RNF6: variants seen among roughly 807,000 people sequenced by gnomAD.
The protein encoded by RNF6 is E3 ubiquitin-protein ligase RNF6.
Under a neutral mutation model 50.1 loss-of-function variants are expected in RNF6, and 21 were observed. That is an observed-to-expected ratio of 0.42 (90% CI 0.30 to 0.60). The LOEUF (loss-of-function observed/expected upper bound fraction) is 0.60. Among genes scored for constraint, RNF6 ranks in the 20% least tolerant of loss-of-function variants. RNF6 has a pLI of 0.20. For missense variants in RNF6, 698 were observed against 838.2 expected (o/e 0.83, Z 2.07); for synonymous variants, 255 against 291.8 (o/e 0.87, Z 1.29).
intron 5 of RNF6, chr13:26,151,045 T>C (rs1304522470): frequency 6.6e-6 from 1 of 152,142 alleles, no homozygotes; most frequent in Non-Finnish European, 1.5e-5. Flanking sequence ...ACATGTTAAA[T>C]AAAAAGGGGA....
intron 5 of RNF6, among the ~76,000 whole-genome samples, chr13:26,192,939 T>A (rs1354791305): frequency 6.6e-6 from 1 of 152,218 alleles, no homozygotes; most frequent in Non-Finnish European, 1.5e-5. Flanking sequence ...TGTAAGCTGC[T>A]AAGTTTGCAG....
intron 5 of RNF6, among the ~76,000 whole-genome samples, chr13:26,181,678 A>G (rs1315807122): frequency 6.6e-6 from 1 of 152,216 alleles, no homozygotes; most frequent in Non-Finnish European, 1.5e-5. Context: ...GGAGGTCAAG[A>G]CCAAGGGGAT....
At chr13:26,157,739 A>G (rs1439703006) in intron 5 of RNF6, among the ~76,000 whole-genome samples, 1 of 152,232 alleles carries the variant, frequency 6.6e-6, no homozygotes, top group Non-Finnish European at 1.5e-5. Flanking sequence ...GTGAATCCTC[A>G]AGCTGACAGC....
rs752050943 is a variant in RNF6, at chr13:26,214,078, G to A, written c.1804C>T (p.Arg602Ter). 2.0e-5 allele frequency: 32 copies of A among 1,613,962 alleles called. No individual in the cohort carries two copies. Among genetic ancestry groups the A allele is most frequent in the Non-Finnish European group, 2.5e-5 (30 of 1,180,032 alleles). The change falls in exon 5 of 5, where the codon CGA becomes TGA. Residue 602 changes from arginine to a stop codon, truncating the protein, a stop_gained. Coordinates refer to ENST00000381588, the MANE Select transcript of RNF6 (RefSeq NM_005977.4). LOFTEE classifies it high-confidence loss of function. ...FLLNESDDDD[R>*]IRGLTKEQID... ...TGCTCTTTGGTTAAACCACGTATTC[G>A]ATCATCATCATCACTTTCATTTAGT...
At chr13:26,219,338 A>G (rs1463414160) in intron 3 of RNF6, 119 bp downstream of exon 3, 2 of 860,790 alleles carry the variant, frequency 2.3e-6, no homozygotes, top group Admixed American at 3.1e-5. Context: ...ACTCACAAAA[A>G]CAATATACTA....
At chr13:26,204,659 T>C (rs1869035995) in intron 5 of RNF6, among the ~76,000 whole-genome samples, 1 of 152,166 alleles carries the variant, frequency 6.6e-6, no homozygotes, top group Non-Finnish European at 1.5e-5. Context: ...GTCCATCTTC[T>C]CCTAGGCCTG....
intron 5 of RNF6, among the ~76,000 whole-genome samples, chr13:26,166,282 T>A (rs1872448066): frequency 1.3e-5 from 2 of 152,204 alleles, no homozygotes; most frequent in Non-Finnish European, 2.9e-5. Context: ...CTTTTTCTTT[T>A]GTAAATTGCT....
intron 5 of RNF6, among the ~76,000 whole-genome samples, chr13:26,143,760 A>T (rs1871082962): frequency 6.6e-6 from 1 of 152,190 alleles, no homozygotes; most frequent in African/African-American, 2.4e-5. Context: ...AATTCTATCA[A>T]GCCAGGTCCT....
At chr13:26,180,993 T>C (rs1007540066) in intron 5 of RNF6, among the ~76,000 whole-genome samples, 5 of 152,194 alleles carry the variant, frequency 3.3e-5, no homozygotes, top group Non-Finnish European at 7.3e-5. Context: ...GCTGTCCAGG[T>C]ATTGTAACCC....
intron 5 of RNF6, among the ~76,000 whole-genome samples, chr13:26,150,498 T>C (rs950603110): frequency 6.6e-6 from 1 of 152,266 alleles, no homozygotes; most frequent in South Asian, 2.1e-4. Context: ...GAAATGAAGA[T>C]GCAGCACAAT....
At chr13:26,132,666 A>G (rs9512116) in intron 5 of RNF6, among the ~76,000 whole-genome samples, 41,938 of 152,204 alleles carry the variant, frequency 0.28, 7,010 homozygotes, top group Non-Finnish European at 0.38. Flanking sequence ...TAATAAAAAG[A>G]AAAGAGGTAG....
At chr13:26,136,845 C>G (rs554006425) in intron 5 of RNF6, among the ~76,000 whole-genome samples, 4 of 152,102 alleles carry the variant, frequency 2.6e-5, no homozygotes, top group Non-Finnish European at 5.9e-5. Flanking sequence ...TGGCAAAAGT[C>G]ATCAGAATCA....
At chr13:26,189,944 A>G (rs1868393351) in intron 5 of RNF6, among the ~76,000 whole-genome samples, 1 of 152,162 alleles carries the variant, frequency 6.6e-6, no homozygotes, top group Non-Finnish European at 1.5e-5. Flanking sequence ...CACTGTATTC[A>G]TTTTCCACAA....
chr13:26,171,765 G>T (rs113831161), intron 5 of RNF6, among the ~76,000 whole-genome samples: 48 of 152,268 alleles, frequency 3.2e-4, no homozygotes, highest in African/African-American at 1.1e-3. Flanking sequence ...ACTTCAAGAC[G>T]TTATGCTTGG....
chr13:26,163,607 G>A (rs1162365934), intron 5 of RNF6, among the ~76,000 whole-genome samples: 2 of 152,114 alleles, frequency 1.3e-5, no homozygotes, highest in African/African-American at 4.8e-5. Context: ...ACCTGGGTTC[G>A]CCTCACTAAC....
intron 5 of RNF6, among the ~76,000 whole-genome samples, chr13:26,167,205 G>A (rs1014066205): frequency 2.0e-5 from 3 of 152,132 alleles, no homozygotes; most frequent in Admixed American, 6.5e-5. Context: ...TTGACTAATG[G>A]GATCTAATTA....
At chr13:26,158,314 A>G (rs1872044420) in intron 5 of RNF6, among the ~76,000 whole-genome samples, 1 of 152,202 alleles carries the variant, frequency 6.6e-6, no homozygotes, top group Non-Finnish European at 1.5e-5. Flanking sequence ...TTCCTCAGGA[A>G]TGATCAACTA....
chr13:26,146,724 C>T (rs1871266766), intron 5 of RNF6, among the ~76,000 whole-genome samples: 1 of 152,170 alleles, frequency 6.6e-6, no homozygotes. Flanking sequence ...GTAGCTAGAA[C>T]CCTTTATGAC....
intron 5 of RNF6, among the ~76,000 whole-genome samples, chr13:26,183,685 A>G (rs2137663824): frequency 6.6e-6 from 1 of 152,150 alleles, no homozygotes; most frequent in East Asian, 1.9e-4. Context: ...ATAGTTTTGG[A>G]CTAATACAGA....
Sources: allele counts gnomAD v4.1 joint callset (sites outside exome capture counted in the v4.1 genomes callset), GRCh38; gene constraint gnomAD v4.1.1; transcripts MANE v1.5; gene names NCBI Gene and HGNC (gene_info 2026-07-23, HGNC 2026-07-21).